The following C16orf74 variants were observed in gnomAD, a reference collection of about 807,000 sequenced individuals.
The protein encoded by C16orf74 is uncharacterized protein C16orf74.
In C16orf74, 10 loss-of-function variants were observed where a neutral mutation model predicts 6.5. The observed-to-expected ratio is 1.54, with a 90% confidence interval of 0.95 to 2.61. The LOEUF is 2.61. C16orf74 is among the 30% of genes most tolerant of loss of function. C16orf74 has a pLI of 0.00. For synonymous variants in C16orf74, 60 were observed against 42.5 expected (o/e 1.41, Z -1.60); for missense variants, 141 against 105.9 (o/e 1.33, Z -1.45).
At chr16:85,728,368 C>G (rs545200836) in intron 2 of C16orf74, among the ~76,000 whole-genome samples, 8 of 152,156 alleles carry the variant, frequency 5.3e-5, no homozygotes, top group Non-Finnish European at 1.0e-4. Context: ...AAAACAATGA[C>G]AAACTACCAA....
At chr16:85,727,658 A>G (rs1016260957) in intron 2 of C16orf74, among the ~76,000 whole-genome samples, 1 of 56,816 alleles carries the variant, frequency 1.8e-5, no homozygotes, top group Non-Finnish European at 4.0e-5. Flanking sequence ...TAAAAATGCA[A>G]AAAAAATAAG....
chr16:85,714,375 CCTA>C (rs1268382138), intron 2 of C16orf74, among the ~76,000 whole-genome samples: 1 of 144,946 alleles, frequency 6.9e-6, no homozygotes, highest in Non-Finnish European at 1.5e-5. Flanking sequence ...CTTTGGAAGA[CCTA>C]TTATTTATTT....
chr16:85,732,490 A>G (rs13332342), intron 2 of C16orf74, among the ~76,000 whole-genome samples: 5 of 151,288 alleles, frequency 3.3e-5, no homozygotes, highest in African/African-American at 1.2e-4. Context: ...ACATGGTGAA[A>G]CCCCGTCTCT....
chr16:85,709,545 C>T (rs189461523), intron 3 of C16orf74, among the ~76,000 whole-genome samples: 1 of 148,406 alleles, frequency 6.7e-6, no homozygotes, highest in East Asian at 2.0e-4. Flanking sequence ...GCAGCAGCCT[C>T]AGCACCCGGC....
chr16:85,748,110 ATATATATATG>A (rs1261243602), intron 1 of C16orf74, among the ~76,000 whole-genome samples: 8 of 67,100 alleles, frequency 1.2e-4, no homozygotes, highest in African/African-American at 2.6e-4. Context: ...ATATATACAT[ATATATATATG>A]TGTGTGTGTA....
chr16:85,728,524 C>A (rs562468860), intron 2 of C16orf74, among the ~76,000 whole-genome samples: 2 of 152,240 alleles, frequency 1.3e-5, no homozygotes, highest in East Asian at 3.9e-4. Context: ...CTGACGCCCA[C>A]CCCGCCCCCA....
intron 1 of C16orf74, among the ~76,000 whole-genome samples, chr16:85,750,622 C>T (rs1049428823): frequency 3.3e-5 from 5 of 152,212 alleles, no homozygotes; most frequent in Non-Finnish European, 5.9e-5. Flanking sequence ...CGTGACGGCG[C>T]GGGGTGGCCT....
chr16:85,742,858 T>C (rs1252270761), intron 1 of C16orf74, among the ~76,000 whole-genome samples: 1 of 152,200 alleles, frequency 6.6e-6, no homozygotes, highest in Non-Finnish European at 1.5e-5. Flanking sequence ...CTTTTCTTTA[T>C]AAATTATCCA....
At chr16:85,742,960 T>C (rs1238476196) in intron 1 of C16orf74, among the ~76,000 whole-genome samples, 2 of 152,356 alleles carry the variant, frequency 1.3e-5, no homozygotes, top group South Asian at 2.1e-4. Flanking sequence ...TCATTGTTGC[T>C]GCCACCTTTA....
chr16:85,710,427 G>A (rs2053958456), intron 2 of C16orf74, 120 bp from the exon 3 acceptor site: 2 of 900,568 alleles, frequency 2.2e-6, no homozygotes, highest in Non-Finnish European at 1.6e-6. Context: ...CTGACGCCTC[G>A]CAGCAAGGAG....
At chr16:85,738,820 A>G (rs1050063371) in intron 1 of C16orf74, among the ~76,000 whole-genome samples, 1 of 152,002 alleles carries the variant, frequency 6.6e-6, no homozygotes. Context: ...AGAGCCCTTT[A>G]TGTGTATTCA....
intron 2 of C16orf74, among the ~76,000 whole-genome samples, chr16:85,716,414 A>C (rs2054024241): frequency 7.8e-6 from 1 of 129,022 alleles, no homozygotes. Flanking sequence ...GGGAGGAGGG[A>C]GAAGAGGGAG....
intron 2 of C16orf74, among the ~76,000 whole-genome samples, chr16:85,727,567 T>C (rs1481748203): frequency 6.6e-6 from 1 of 151,718 alleles, no homozygotes; most frequent in Non-Finnish European, 1.5e-5. Context: ...CCCAGCACTT[T>C]GGCAGGTTGA....
At chr16:85,728,399 T>C (rs903479668) in intron 2 of C16orf74, among the ~76,000 whole-genome samples, 1 of 152,138 alleles carries the variant, frequency 6.6e-6, no homozygotes, top group Non-Finnish European at 1.5e-5. Context: ...AGCCTTCATC[T>C]TTCCCACCAA....
At position 85,717,094 on chromosome 16, in the gene C16orf74, C is replaced by T. The variant is rs1039217510; in HGVS notation, c.29-6787G>A. Reference sequence around the variant, plus strand: ...CTCCGGGTCACCAGGCCCTGACCCCCGCTCTGCGGCCATGCACTGTCCTCG... The same window carrying T: ...CTCCGGGTCACCAGGCCCTGACCCCTGCTCTGCGGCCATGCACTGTCCTCG... On this transcript the variant is annotated intron_variant, in intron 2 of 3. Coordinates refer to ENST00000284245, the MANE Select transcript of C16orf74 (RefSeq NM_206967.3). 5.3e-5 allele frequency among the ~76,000 whole-genome samples: 8 copies of T among 152,190 alleles called. No individual in the cohort carries two copies. The South Asian group carries it at 8.3e-4, about 16-fold the overall frequency.
intron 2 of C16orf74, among the ~76,000 whole-genome samples, chr16:85,733,411 G>C (rs1222065042): frequency 1.3e-5 from 2 of 152,162 alleles, no homozygotes; most frequent in Admixed American, 1.3e-4. Flanking sequence ...CGGGGAGTTA[G>C]TGTTTAACGG....
chr16:85,749,899 A>G (rs377520270), intron 1 of C16orf74, among the ~76,000 whole-genome samples: 9 of 152,210 alleles, frequency 5.9e-5, no homozygotes, highest in Admixed American at 5.2e-4. Flanking sequence ...AAGTGTTTCC[A>G]TAAATACACG....
At chr16:85,721,966 A>G (rs1195816810) in intron 2 of C16orf74, among the ~76,000 whole-genome samples, 1 of 145,854 alleles carries the variant, frequency 6.9e-6, no homozygotes, top group Non-Finnish European at 1.5e-5. Context: ...TCATTGGAAT[A>G]GAGATTCTAA....
At chr16:85,719,190 A>G (rs2054054476) in intron 2 of C16orf74, among the ~76,000 whole-genome samples, 1 of 152,240 alleles carries the variant, frequency 6.6e-6, no homozygotes, top group Admixed American at 6.5e-5. Flanking sequence ...TGGCCAGTCA[A>G]CAGGCATTTA....
Sources: gnomAD v4.1 joint callset for allele counts (sites outside exome capture counted in the v4.1 genomes callset) on GRCh38, gnomAD v4.1.1 for gene constraint, MANE v1.5 for transcripts, NCBI Gene and HGNC (gene_info 2026-07-23, HGNC 2026-07-21) for gene names.